FAXDC2: variants seen among roughly 807,000 people sequenced by gnomAD.
The protein encoded by FAXDC2 is fatty acid hydroxylase domain containing 2.
In FAXDC2, 41 loss-of-function variants were observed where a neutral mutation model predicts 40.9. The ratio of observed to expected loss-of-function variants is 1.00; its 90% CI spans 0.78 to 1.30. The LOEUF (loss-of-function observed/expected upper bound fraction) is 1.30, where lower values mean the gene tolerates loss of function less well. FAXDC2 is among the 50% of genes most tolerant of loss of function. The pLI is 0.00. For missense variants in FAXDC2, 390 were observed against 408.8 expected (o/e 0.95, Z 0.40); for synonymous variants, 157 against 149.3 (o/e 1.05, Z -0.38).
chr5:154,838,477 C>T (rs1053164301), intron 1 of FAXDC2: 6 of 359,382 alleles, frequency 1.7e-5, no homozygotes, highest in Non-Finnish European at 2.5e-5. Context: ...GGTCCCACTA[C>T]GTTGCCCAGG....
intron 5 of FAXDC2, among the ~76,000 whole-genome samples, chr5:154,825,212 A>G (rs1043161257): frequency 6.6e-6 from 1 of 151,308 alleles, no homozygotes; most frequent in African/African-American, 2.4e-5. Flanking sequence ...AAAATACAAA[A>G]ACTTAGCTAG....
At chr5:154,832,221 T>TG (rs1213137526) in intron 4 of FAXDC2, among the ~76,000 whole-genome samples, 1 of 151,608 alleles carries the variant, frequency 6.6e-6, no homozygotes, top group African/African-American at 2.4e-5. Context: ...CTTTTGTTTT[T>TG]TTTTTTTTTT....
At chr5:154,845,799 T>G (rs1486034340) in intron 1 of FAXDC2, among the ~76,000 whole-genome samples, 1 of 151,486 alleles carries the variant, frequency 6.6e-6, no homozygotes, top group Non-Finnish European at 1.5e-5. Context: ...ATTTTTTTTT[T>G]TTTTTTAGAT....
chr5:154,834,612 C>T lies in FAXDC2; in HGVS notation c.244+13G>A. ...CACCCACATGCTAGGTGCTGGTGGTCTGGGAACCTCACCTATAAAGAAGAG... is the reference window on the plus strand; with the variant it reads ...CACCCACATGCTAGGTGCTGGTGGTTTGGGAACCTCACCTATAAAGAAGAG... On this transcript the variant is annotated intron_variant, in intron 4 of 8. Coordinates refer to ENST00000326080, the MANE Select transcript of FAXDC2 (RefSeq NM_032385.5). 2 of 1,572,356 alleles carry T rather than the reference C, an allele frequency of 1.3e-6. No homozygotes were observed. Among genetic ancestry groups the T allele is most frequent in the Non-Finnish European group, 1.8e-6 (2 of 1,141,750 alleles).
chr5:154,843,743 A>C (rs192166515), intron 1 of FAXDC2, among the ~76,000 whole-genome samples: 1 of 152,376 alleles, frequency 6.6e-6, no homozygotes, highest in Non-Finnish European at 1.5e-5. Context: ...TGAATACCAA[A>C]ATAGCCATTG....
rs897117725 is a variant in FAXDC2, at chr5:154,847,347, A to G, written c.-1+3136T>C. Among the ~76,000 whole-genome samples, 18 of 152,324 alleles carry G rather than the reference A, an allele frequency of 1.2e-4. No homozygotes were observed. In the East Asian group the frequency reaches 3.5e-3, roughly 29 times the overall value. Reference sequence around the variant, plus strand: ...TAGATAAATGACACAGTGAAGCTATAGCTAATGTTTACAACTTCAAGAATC... The same window carrying G: ...TAGATAAATGACACAGTGAAGCTATGGCTAATGTTTACAACTTCAAGAATC... On this transcript the variant is annotated intron_variant, in intron 1 of 8. Transcript: ENST00000326080.
At chr5:154,827,935 G>A (rs528335406) in intron 5 of FAXDC2, among the ~76,000 whole-genome samples, 4 of 146,498 alleles carry the variant, frequency 2.7e-5, no homozygotes, top group African/African-American at 7.6e-5. Flanking sequence ...CTGTAACCTC[G>A]ACCTCCTGGG....
intron 4 of FAXDC2, 28 bp downstream of exon 4, chr5:154,834,597 C>G: frequency 7.1e-7 from 1 of 1,413,778 alleles, no homozygotes; most frequent in Non-Finnish European, 1.0e-6. Flanking sequence ...CACCCACATG[C>G]TAGGTGCTGG....
At chr5:154,833,374 C>T (rs1284602032) in intron 4 of FAXDC2, among the ~76,000 whole-genome samples, 19 of 148,306 alleles carry the variant, frequency 1.3e-4, no homozygotes, top group Non-Finnish European at 8.9e-5. Context: ...GAGACAGAGT[C>T]GTGCCCTATT....
chr5:154,838,062 A>G (rs113166408), intron 2 of FAXDC2, 69 bp downstream of exon 2: 33 of 1,000,794 alleles, frequency 3.3e-5, no homozygotes, highest in African/African-American at 2.9e-4. Context: ...GATGCATAGC[A>G]AGTGCAGCTA....
intron 4 of FAXDC2, among the ~76,000 whole-genome samples, chr5:154,833,041 CTT>C (rs201032016): frequency 6.2e-5 from 9 of 145,164 alleles, no homozygotes; most frequent in Admixed American, 2.1e-4. Flanking sequence ...TTAAATACTT[CTT>C]TTTTTTTTTT....
chr5:154,838,039 G>T, intron 2 of FAXDC2, 92 bp downstream of exon 2: 3 of 848,086 alleles, frequency 3.5e-6, no homozygotes, highest in South Asian at 1.4e-5. Flanking sequence ...CCTAAACCTT[G>T]GGGGAGATGT....
chr5:154,833,352 T>G (rs896563321), intron 4 of FAXDC2, among the ~76,000 whole-genome samples: 17 of 147,540 alleles, frequency 1.2e-4, no homozygotes, highest in East Asian at 6.0e-4. Context: ...TAATTTTTGT[T>G]TTTTTTTTTT....
chr5:154,844,048 A>G (rs1412939372), intron 1 of FAXDC2, among the ~76,000 whole-genome samples: 1 of 151,848 alleles, frequency 6.6e-6, no homozygotes, highest in African/African-American at 2.4e-5. Flanking sequence ...GCAAAACCCT[A>G]CCTCTACTAA....
intron 1 of FAXDC2, among the ~76,000 whole-genome samples, chr5:154,845,236 A>G (rs897568326): frequency 5.9e-5 from 9 of 152,240 alleles, no homozygotes; most frequent in Non-Finnish European, 1.2e-4. Context: ...TTACATGAAC[A>G]TGGTCAGTCA....
rs113235216 is a variant in FAXDC2 at position 154,827,684 on chromosome 5, C to T, written c.366+3117G>A. Among the ~76,000 whole-genome samples, 254 of 151,286 alleles carry T rather than the reference C, an allele frequency of 1.7e-3. 1 individual carries two copies. Among genetic ancestry groups the T allele is most frequent in the Non-Finnish European group, 3.1e-3 (207 of 67,758 alleles). ...CCAAGTAGCTAGGACTACAGGCATGCACCATCACACCCAGCTAATTTTTGT... is the reference window on the plus strand; with the variant it reads ...CCAAGTAGCTAGGACTACAGGCATGTACCATCACACCCAGCTAATTTTTGT... On this transcript the variant is annotated intron_variant, in intron 5 of 8. Coordinates refer to ENST00000326080, the MANE Select transcript of FAXDC2 (RefSeq NM_032385.5).
intron 8 of FAXDC2, 26 bp from the exon 9 acceptor site, chr5:154,820,498 G>C (rs765982356): frequency 1.9e-6 from 3 of 1,587,706 alleles, no homozygotes; most frequent in South Asian, 2.3e-5. Flanking sequence ...CGGCACTGCA[G>C]TGCCCATGCT....
intron 4 of FAXDC2, among the ~76,000 whole-genome samples, 155 bp downstream of exon 4, chr5:154,834,470 T>C (rs145948539): frequency 6.6e-6 from 1 of 152,350 alleles, no homozygotes; most frequent in East Asian, 1.9e-4. Context: ...CCCACAAGTT[T>C]AGTATTCTTT....
intron 8 of FAXDC2, chr5:154,820,704 T>C (rs1453126865): frequency 2.4e-6 from 1 of 420,890 alleles, no homozygotes; most frequent in Non-Finnish European, 4.4e-6. Context: ...AAGCTTGCTG[T>C]GTGATTGATG....
Sources: gnomAD v4.1 joint callset for allele counts (sites outside exome capture counted in the v4.1 genomes callset) on GRCh38, gnomAD v4.1.1 for gene constraint, MANE v1.5 for transcripts, NCBI Gene and HGNC (gene_info 2026-07-23, HGNC 2026-07-21) for gene names.